The following NMNAT1 variants were observed in gnomAD, a reference collection of about 807,000 sequenced individuals.
The protein encoded by NMNAT1 is nicotinamide nucleotide adenylyltransferase 1, also known as nicotinamide/nicotinic acid mononucleotide adenylyltransferase 1.
In NMNAT1, 11 loss-of-function variants were observed where a neutral mutation model predicts 16.7. The observed-to-expected ratio is 0.66, with a 90% CI of 0.41 to 1.09. NMNAT1 has a LOEUF of 1.09. NMNAT1 is among the 50% of genes least tolerant of loss of function. The pLI, the probability that NMNAT1 is intolerant of heterozygous loss-of-function variation, is 0.00. For missense variants in NMNAT1, 280 were observed against 332.3 expected (o/e 0.84, Z 1.22); for synonymous variants, 110 against 119.8 (o/e 0.92, Z 0.53).
intron 1 of NMNAT1, among the ~76,000 whole-genome samples, chr1:9,963,560 C>G (rs376763750): frequency 1.3e-5 from 2 of 152,020 alleles, no homozygotes; most frequent in Admixed American, 6.6e-5. Flanking sequence ...CAGGCGCACA[C>G]CACCACGCCC....
chr1:9,964,199 T>C (rs1351101167), intron 1 of NMNAT1, among the ~76,000 whole-genome samples: 1 of 151,524 alleles, frequency 6.6e-6, no homozygotes, highest in African/African-American at 2.4e-5. Context: ...GCCGAAAGTA[T>C]TTTTATAAAG....
chr1:9,963,006 G>A lies in NMNAT1; in HGVS notation c.-56-9012G>A, dbSNP rs573428980. ...CCAAATAAGGGTTTTTAACACCCAT[G>A]TCATATTATTTTGAGAACCCTGTTG... is the stretch of plus-strand genomic sequence containing the variant. On this transcript the variant is annotated intron_variant, in intron 1 of 4. Coordinates refer to ENST00000377205, the MANE Select transcript of NMNAT1 (RefSeq NM_022787.4). 3.9e-5 allele frequency among the ~76,000 whole-genome samples: 6 copies of A among 152,224 alleles called. No homozygotes were observed. The South Asian group carries it at 1.2e-3, about 32-fold the overall frequency.
At position 9,955,141 on chromosome 1, in the gene NMNAT1, G is replaced by A. The variant is rs185649149; in HGVS notation, c.-57+11626G>A. ...CTCTAAGCTGGGCGCGGTGGCTCACGCCTGTAATCCCAGCACTTTGGAAGG... is the reference window on the plus strand; with the variant it reads ...CTCTAAGCTGGGCGCGGTGGCTCACACCTGTAATCCCAGCACTTTGGAAGG... On this transcript the variant is annotated intron_variant, in intron 1 of 4. Coordinates refer to ENST00000377205, the MANE Select transcript of NMNAT1 (RefSeq NM_022787.4). Among the ~76,000 whole-genome samples the A allele has an allele frequency of 5.0e-4, 76 of 151,844 alleles. 1 individual carries two copies. The East Asian group carries it at 0.011, about 22-fold the overall frequency.
chr1:9,985,504 T>C (rs1390365297), downstream of NMNAT1: 3 of 152,182 alleles, frequency 2.0e-5, no homozygotes. Flanking sequence ...CAACAGTTTG[T>C]GGTAGTCTGA....
At chr1:9,968,917 G>C (rs1305087258) in intron 1 of NMNAT1, among the ~76,000 whole-genome samples, 1 of 148,752 alleles carries the variant, frequency 6.7e-6, no homozygotes, top group East Asian at 2.0e-4. Context: ...CCCAGCCTGG[G>C]TGACAGAGCG....
intron 1 of NMNAT1, among the ~76,000 whole-genome samples, chr1:9,964,098 G>A (rs771932086): frequency 1.3e-5 from 2 of 151,690 alleles, no homozygotes; most frequent in Non-Finnish European, 2.9e-5. Flanking sequence ...CACCATGTTG[G>A]CCAGGCTGGT....
rs1333723500 is a variant in NMNAT1, at chr1:9,983,753, TCTC to T, written c.*1058_*1060del. The T allele has an allele frequency of 2.0e-5, 3 of 152,144 alleles. No homozygotes were observed. The highest frequency in any genetic ancestry group is 4.4e-5 in the Non-Finnish European group (3 of 68,040). 9.4% of individuals were successfully genotyped at this position (152,144 alleles called of 1,614,324 possible). On this transcript the variant is annotated 3_prime_UTR_variant, in exon 5 of 5. Coordinates refer to ENST00000377205, the MANE Select transcript of NMNAT1 (RefSeq NM_022787.4). ...CAAATCATACAGATGAGGGTCATTTTCTCCTCCTTAGCTTCTTGGAGTTTAAGA... is the reference window on the plus strand; with the variant it reads ...CAAATCATACAGATGAGGGTCATTTTCTCCTTAGCTTCTTGGAGTTTAAGA...
At chr1:9,978,989 G>A (rs1249099528) in intron 3 of NMNAT1, among the ~76,000 whole-genome samples, 6 of 152,114 alleles carry the variant, frequency 3.9e-5, no homozygotes. Context: ...CAGACTGCTG[G>A]GGTTCAAGTC....
intron 1 of NMNAT1, chr1:9,950,434 G>C (rs745830591): frequency 2.0e-5 from 3 of 152,232 alleles, no homozygotes; most frequent in Admixed American, 6.6e-5. Flanking sequence ...CATGCTTCCT[G>C]TTATTGGCCC....
Position 9,982,560 on chromosome 1 carries a change from C to T in NMNAT1, c.699C>T (p.Gly233=). ...STKIRRALRR[G]QSIRYLVPDL... ...AAATCCGGAGAGCCCTCAGAAGGGGCCAGAGCATTCGCTACTTGGTACCAG... is the reference window on the plus strand; with the variant it reads ...AAATCCGGAGAGCCCTCAGAAGGGGTCAGAGCATTCGCTACTTGGTACCAG... Residue 233 remains glycine, a synonymous_variant, in exon 5 of 5, where the codon GGC becomes GGT. Coordinates refer to ENST00000377205, the MANE Select transcript of NMNAT1 (RefSeq NM_022787.4). 1 of 1,614,124 alleles carries T rather than the reference C, an allele frequency of 6.2e-7. No individual in the cohort carries two copies. Among genetic ancestry groups the T allele is most frequent in the Non-Finnish European group, 8.5e-7 (1 of 1,180,036 alleles).
At chr1:9,953,337 C>T (rs1351556935) in intron 1 of NMNAT1, among the ~76,000 whole-genome samples, 5 of 148,346 alleles carry the variant, frequency 3.4e-5, no homozygotes, top group Non-Finnish European at 1.5e-5. Flanking sequence ...AGTACAGTGG[C>T]GCCATCTCAG....
downstream of NMNAT1, among the ~76,000 whole-genome samples, chr1:9,985,966 CT>C (rs766858870): frequency 6.6e-6 from 1 of 152,140 alleles, no homozygotes; most frequent in Non-Finnish European, 1.5e-5. Flanking sequence ...GGTTTTTGAC[CT>C]GTCATAGTGG....
intron 1 of NMNAT1, chr1:9,947,321 T>C (rs1440030506): frequency 6.6e-6 from 1 of 152,202 alleles, no homozygotes; most frequent in Non-Finnish European, 1.5e-5. Flanking sequence ...CCAAGTAGGA[T>C]GTGAGGGCAA....
At chr1:9,992,649 C>T in the NMNAT1 span, among the ~76,000 whole-genome samples, 2 of 151,966 alleles carry the variant, frequency 1.3e-5, no homozygotes, top group African/African-American at 2.4e-5. Flanking sequence ...TGGTGGCTCA[C>T]GCCTGTAATC....
intron 1 of NMNAT1, among the ~76,000 whole-genome samples, chr1:9,946,042 C>T (rs1487837121): frequency 2.0e-5 from 3 of 152,208 alleles, no homozygotes; most frequent in Non-Finnish European, 4.4e-5. Flanking sequence ...GCATGAGCCA[C>T]CCCACCCAGC....
chr1:9,977,497 G>T (rs1641840833), intron 3 of NMNAT1, among the ~76,000 whole-genome samples: 1 of 152,032 alleles, frequency 6.6e-6, no homozygotes, highest in Admixed American at 6.6e-5. Context: ...ATCATTTAGG[G>T]TTCAGACTAG....
Position 9,981,011 on chromosome 1 carries a change from A to G in NMNAT1, c.300-20A>G, listed in dbSNP as rs753223002. On this transcript the variant is annotated intron_variant, in intron 3 of 4. Coordinates refer to ENST00000377205, the MANE Select transcript of NMNAT1 (RefSeq NM_022787.4). The stretch of plus-strand genomic sequence containing the variant: ...AGCATGTGAGAAAGAGAAATATTCT[A>G]TTGTTTTGTTGTTTTATAGACACCA... The G allele has an allele frequency of 1.9e-6, 3 of 1,590,820 alleles. No individual in the cohort carries two copies. The East Asian group carries it at 6.7e-5, about 36-fold the overall frequency.
intron 3 of NMNAT1, among the ~76,000 whole-genome samples, 199 bp from the exon 4 acceptor site, chr1:9,980,832 A>G (rs1004298518): frequency 2.0e-4 from 30 of 150,932 alleles, no homozygotes; most frequent in African/African-American, 6.6e-4. Context: ...AATTTTTTGT[A>G]TTTTTAGTAG....
At chr1:9,950,009 TA>T (rs773597184) in intron 1 of NMNAT1, 2 of 152,292 alleles carry the variant, frequency 1.3e-5, no homozygotes, top group South Asian at 2.1e-4. Flanking sequence ...TGAATTGGGT[TA>T]TGATGTCAGT....
Sources: gnomAD v4.1 joint callset for allele counts (sites outside exome capture counted in the v4.1 genomes callset) on GRCh38, gnomAD v4.1.1 for gene constraint, MANE v1.5 for transcripts, NCBI Gene and HGNC (gene_info 2026-07-23, HGNC 2026-07-21) for gene names.